The following NAV2 variants were observed in gnomAD, a reference collection of about 807,000 sequenced individuals.
NAV2 encodes the protein helicase, APC down-regulated 1.
NAV2 carries 54 observed loss-of-function variants against 223.2 expected under a neutral mutation model. The observed-to-expected ratio is 0.24, with a 90% CI of 0.19 to 0.30. The LOEUF (loss-of-function observed/expected upper bound fraction) is 0.30, where lower values mean the gene tolerates loss of function less well. NAV2 is among the 10% of genes least tolerant of loss of function. The probability of loss-of-function intolerance (pLI) is 1.00; values close to 1 mark genes in which losing one functional copy is unlikely to be tolerated. For missense variants in NAV2, 2,806 were observed against 3,147.5 expected (o/e 0.89, Z 2.60); for synonymous variants, 1,279 against 1,239.3 (o/e 1.03, Z -0.67).
At chr11:19,938,852 T>C (rs954990681) in intron 7 of NAV2, among the ~76,000 whole-genome samples, 1 of 152,216 alleles carries the variant, frequency 6.6e-6, no homozygotes, top group African/African-American at 2.4e-5. Context: ...CGTGGTCCAT[T>C]CTCATTCTGG....
At chr11:19,899,061 C>T (rs887064116) in intron 6 of NAV2, among the ~76,000 whole-genome samples, 4 of 152,156 alleles carry the variant, frequency 2.6e-5, no homozygotes, top group Non-Finnish European at 4.4e-5. Flanking sequence ...ACTAAACCAC[C>T]GTGAGGTGTG....
intron 7 of NAV2, among the ~76,000 whole-genome samples, chr11:19,937,049 A>G (rs1161821550): frequency 6.6e-6 from 1 of 152,118 alleles, no homozygotes; most frequent in African/African-American, 2.4e-5. Flanking sequence ...GAGGCATGAG[A>G]ATCCCTTGAA....
intron 11 of NAV2, among the ~76,000 whole-genome samples, chr11:20,001,207 A>C (rs921200327): frequency 2.6e-5 from 4 of 152,122 alleles, no homozygotes; most frequent in African/African-American, 9.7e-5. Flanking sequence ...TGCCAGGCTA[A>C]CACATCCTCT....
intron 1 of NAV2, 84 bp downstream of exon 1, chr11:19,714,046 T>C: frequency 6.5e-7 from 1 of 1,527,800 alleles, no homozygotes; most frequent in Non-Finnish European, 8.9e-7. Context: ...AAGGGCTGGA[T>C]GGGAGAAGGG....
chr11:19,621,713 G>C (rs527683597), intron 1 of NAV2, among the ~76,000 whole-genome samples: 1 of 152,040 alleles, frequency 6.6e-6, no homozygotes, highest in Non-Finnish European at 1.5e-5. Context: ...TCAGCTCCTG[G>C]ATTCATTGAT....
intron 1 of NAV2, among the ~76,000 whole-genome samples, chr11:19,624,495 G>T (rs1011547528): frequency 5.3e-5 from 8 of 152,192 alleles, no homozygotes; most frequent in African/African-American, 1.9e-4. Flanking sequence ...CTTGCAGTTC[G>T]ATCTCAGACT....
intron 1 of NAV2, among the ~76,000 whole-genome samples, chr11:19,397,924 C>A (rs1426112643): frequency 6.6e-6 from 1 of 152,114 alleles, no homozygotes; most frequent in Non-Finnish European, 1.5e-5. Context: ...AGCAGCAGTG[C>A]CTCTGTGTGA....
intron 19 of NAV2, among the ~76,000 whole-genome samples, chr11:20,061,852 A>G (rs1325245492): frequency 1.3e-5 from 2 of 152,210 alleles, no homozygotes; most frequent in Non-Finnish European, 2.9e-5. Context: ...CAACTGACAG[A>G]TGCCAACAGG....
At chr11:20,088,626 C>T (rs779358200) in intron 26 of NAV2, among the ~76,000 whole-genome samples, 50 of 152,156 alleles carry the variant, frequency 3.3e-4, no homozygotes, top group South Asian at 6.2e-4. Context: ...AGTTTGGTAC[C>T]GTTTGTAAAG....
At chr11:19,401,022 C>A (rs545123082) in intron 1 of NAV2, among the ~76,000 whole-genome samples, 27 of 152,294 alleles carry the variant, frequency 1.8e-4, no homozygotes, top group African/African-American at 6.5e-4. Flanking sequence ...AATTATTGTG[C>A]TGCCAGAATA....
rs1032094377 is a variant in NAV2 at position 19,805,346 on chromosome 11, C to T, written c.268-27138C>T. 2.0e-5 allele frequency among the ~76,000 whole-genome samples: 3 copies of T among 152,164 alleles called. No homozygotes were observed. In the South Asian group the frequency reaches 6.2e-4, roughly 32 times the overall value. ...CTTTTATTAACAGTTTCTCCACTGT[C>T]ACAGGCATTCCTCTAAGACCTACTC... On this transcript the variant is annotated intron_variant, in intron 1 of 37. Transcript: ENST00000349880.
At chr11:19,455,716 A>G (rs1388643947) in intron 1 of NAV2, among the ~76,000 whole-genome samples, 1 of 152,228 alleles carries the variant, frequency 6.6e-6, no homozygotes, top group Non-Finnish European at 1.5e-5. Flanking sequence ...ATCAGAACTC[A>G]TGCTCTTCAA....
intron 1 of NAV2, among the ~76,000 whole-genome samples, chr11:19,649,454 T>C (rs1387311156): frequency 6.6e-6 from 1 of 152,232 alleles, no homozygotes; most frequent in African/African-American, 2.4e-5. Context: ...TTTCTCACAG[T>C]TCTGGAGGCT....
chr11:19,828,854 G>C (rs2059789902), intron 1 of NAV2, among the ~76,000 whole-genome samples: 1 of 152,196 alleles, frequency 6.6e-6, no homozygotes, highest in Non-Finnish European at 1.5e-5. Flanking sequence ...TGAGAGAAGA[G>C]CTCTTGTTTC....
At chr11:19,652,353 A>G (rs1301981103) in intron 1 of NAV2, among the ~76,000 whole-genome samples, 1 of 152,048 alleles carries the variant, frequency 6.6e-6, no homozygotes, top group South Asian at 2.1e-4. Flanking sequence ...GGCAGCCTCC[A>G]TCCCAGCCCC....
chr11:19,643,499 C>A (rs551863382), intron 1 of NAV2, among the ~76,000 whole-genome samples: 4 of 152,074 alleles, frequency 2.6e-5, no homozygotes, highest in African/African-American at 7.2e-5. Flanking sequence ...TGAACTCATC[C>A]TTTTTTATGG....
At chr11:19,813,814 G>A (rs903298754) in intron 1 of NAV2, among the ~76,000 whole-genome samples, 2 of 152,188 alleles carry the variant, frequency 1.3e-5, no homozygotes, top group South Asian at 2.1e-4. Flanking sequence ...ATGGGTTCCC[G>A]CTCGGGGTCA....
intron 1 of NAV2, among the ~76,000 whole-genome samples, chr11:19,522,982 C>T (rs183436923): frequency 6.6e-6 from 1 of 152,304 alleles, no homozygotes; most frequent in East Asian, 1.9e-4. Flanking sequence ...GTTGAGGACT[C>T]ACAAGGCATG....
chr11:19,615,966 G>T (rs979647869), intron 1 of NAV2, among the ~76,000 whole-genome samples: 2 of 152,084 alleles, frequency 1.3e-5, no homozygotes, highest in Admixed American at 1.3e-4. Flanking sequence ...GCAGAGCGCT[G>T]CCTCCCCATC....
Sources: allele counts gnomAD v4.1 joint callset (sites outside exome capture counted in the v4.1 genomes callset), GRCh38; gene constraint gnomAD v4.1.1; transcripts MANE v1.5; gene names NCBI Gene and HGNC (gene_info 2026-07-23, HGNC 2026-07-21).